The following ATP9A variants were observed in gnomAD, a reference collection of about 807,000 sequenced individuals.
The protein encoded by ATP9A is probable phospholipid-transporting ATPase IIA.
In ATP9A, 52 loss-of-function variants were observed where a neutral mutation model predicts 144.1. The ratio of observed to expected loss-of-function variants is 0.36; its 90% CI spans 0.29 to 0.45. ATP9A has a LOEUF of 0.45. Among genes scored for constraint, ATP9A ranks in the 20% least tolerant of loss-of-function variants. The pLI is 1.00. For missense variants in ATP9A, 947 were observed against 1,392.7 expected (o/e 0.68, Z 5.09); for synonymous variants, 582 against 557.4 (o/e 1.04, Z -0.62).
rs1287380758 is a variant in ATP9A, at chr20:51,676,305, GTTC to G, written c.800-100_800-98del. On this transcript the variant is annotated intron_variant, in intron 9 of 27. Coordinates refer to ENST00000338821, the MANE Select transcript of ATP9A (RefSeq NM_006045.3). ...GAGTCTGATCCTCTTGAGAGACTGG[GTTC>G]TTTTTTTTTTTTGAGACAGAGTCTT... 3.1e-6 allele frequency: 3 copies of G among 970,458 alleles called. No homozygotes were observed. In the African/African-American group the frequency reaches 5.1e-5, roughly 16 times the overall value. The allele number at this position is 970,458 out of a possible 1,614,324, so 60.1% of individuals were successfully genotyped here.
chr20:51,642,951 C>T (rs202061935), intron 14 of ATP9A, among the ~76,000 whole-genome samples: 2 of 151,986 alleles, frequency 1.3e-5, no homozygotes, highest in African/African-American at 4.8e-5. Context: ...TTCCAGTCCC[C>T]GCTCTGTCCC....
At chr20:51,605,042 A>G (rs1160016381) in intron 26 of ATP9A, 22 bp from the exon 27 acceptor site, 3 of 1,574,342 alleles carry the variant, frequency 1.9e-6, no homozygotes, top group Non-Finnish European at 1.7e-6. Context: ...AGAGAAGGGT[A>G]TTCCCCTCAC....
chr20:51,672,793 G>T (rs929814608), intron 11 of ATP9A, among the ~76,000 whole-genome samples: 1 of 152,156 alleles, frequency 6.6e-6, no homozygotes, highest in Non-Finnish European at 1.5e-5. Flanking sequence ...ATGGGGGAAA[G>T]TAGACTGCTA....
At chr20:51,699,499 A>C (rs941403936) in intron 4 of ATP9A, among the ~76,000 whole-genome samples, 1 of 152,068 alleles carries the variant, frequency 6.6e-6, no homozygotes, top group African/African-American at 2.4e-5. Flanking sequence ...GAGCATTCCA[A>C]TGTTTTCCTA....
chr20:51,699,531 G>A (rs2077584812), intron 4 of ATP9A, among the ~76,000 whole-genome samples: 1 of 151,866 alleles, frequency 6.6e-6, no homozygotes, highest in African/African-American at 2.4e-5. Flanking sequence ...CTCTTTAATC[G>A]GTTCCATAAG....
chr20:51,654,695 C>T (rs77060134), intron 14 of ATP9A, among the ~76,000 whole-genome samples: 4,285 of 152,094 alleles, frequency 0.028, 191 homozygotes, highest in African/African-American at 0.097. Context: ...TATCAAGAGC[C>T]GCTGCACTAC....
chr20:51,664,270 A>G (rs1440379174), intron 13 of ATP9A, among the ~76,000 whole-genome samples: 1 of 152,160 alleles, frequency 6.6e-6, no homozygotes, highest in Non-Finnish European at 1.5e-5. Flanking sequence ...ACAAGAAAAA[A>G]AATTCTAAAA....
rs1568797038 is a variant in ATP9A, at chr20:51,638,076, TATATA to T, written c.1668+1262_1668+1266del. Among the ~76,000 whole-genome samples the T allele has an allele frequency of 9.8e-3, 135 of 13,728 alleles. 1 individual carries two copies. Among genetic ancestry groups the T allele is most frequent in the African/African-American group, 0.028 (100 of 3,628 alleles). The allele number at this position is 13,728 out of a possible 152,430, so 9.0% of individuals were successfully genotyped here. ...CTAAGTAGCATTTCATCATTTTATA[TATATA>T]TATATATATATATATATATATATAT... On this transcript the variant is annotated intron_variant, in intron 15 of 27. Transcript: ENST00000338821.
At chr20:51,671,727 G>A (rs539969443) in intron 11 of ATP9A, among the ~76,000 whole-genome samples, 1 of 151,292 alleles carries the variant, frequency 6.6e-6, no homozygotes, top group African/African-American at 2.4e-5. Flanking sequence ...CAACAATAAC[G>A]CCCCATCCCC....
chr20:51,663,130 A>G (rs1327711916), intron 13 of ATP9A, among the ~76,000 whole-genome samples: 5 of 152,198 alleles, frequency 3.3e-5, no homozygotes, highest in Non-Finnish European at 7.3e-5. Context: ...AATGCCGTAC[A>G]GCCCAGGCAT....
At chr20:51,715,786 G>T (rs1399048784) in intron 3 of ATP9A, among the ~76,000 whole-genome samples, 1 of 152,154 alleles carries the variant, frequency 6.6e-6, no homozygotes, top group African/African-American at 2.4e-5. Flanking sequence ...ATCCAATTTA[G>T]GAGGTCCTTA....
chr20:51,683,459 A>G (rs2122805386), intron 9 of ATP9A, among the ~76,000 whole-genome samples: 1 of 151,762 alleles, frequency 6.6e-6, no homozygotes, highest in East Asian at 1.9e-4. Context: ...ATTATTTTAT[A>G]TTTTTAGTAG....
chr20:51,638,022 G>A (rs1232692962), intron 15 of ATP9A, among the ~76,000 whole-genome samples: 3 of 136,320 alleles, frequency 2.2e-5, no homozygotes, highest in East Asian at 2.1e-4. Context: ...AGTTTGCAGC[G>A]AATGCCATTA....
intron 4 of ATP9A, among the ~76,000 whole-genome samples, chr20:51,703,547 T>G (rs971120745): frequency 6.6e-6 from 1 of 152,190 alleles, no homozygotes; most frequent in African/African-American, 2.4e-5. Context: ...AAATTTCCAA[T>G]TATTAGAGCT....
intron 4 of ATP9A, among the ~76,000 whole-genome samples, chr20:51,701,562 G>A (rs6123070): frequency 0.22 from 33,352 of 152,034 alleles, 4,317 homozygotes; most frequent in East Asian, 0.45. Context: ...TGTGTTTGCA[G>A]AGCAGTTTCT....
intron 15 of ATP9A, 38 bp from the exon 16 acceptor site, chr20:51,629,110 G>T: frequency 6.5e-7 from 1 of 1,531,620 alleles, no homozygotes; most frequent in South Asian, 1.1e-5. Context: ...AAACTGAAAG[G>T]AACACCCTCT....
chr20:51,698,176 C>A (rs972997454), intron 4 of ATP9A, among the ~76,000 whole-genome samples: 2 of 152,196 alleles, frequency 1.3e-5, no homozygotes, highest in African/African-American at 4.8e-5. Context: ...GGGATTCACA[C>A]CTGCATCTGA....
intron 2 of ATP9A, 73 bp downstream of exon 2, chr20:51,729,761 G>T: frequency 7.1e-7 from 1 of 1,411,096 alleles, no homozygotes; most frequent in South Asian, 1.6e-5. Flanking sequence ...AACATGACAT[G>T]ACATAACATC....
At chr20:51,619,089 T>A (rs1181215058) in intron 19 of ATP9A, 46 bp from the exon 20 acceptor site, 1 of 1,546,894 alleles carries the variant, frequency 6.5e-7, no homozygotes, top group Non-Finnish European at 8.9e-7. Context: ...TCTCCGGACA[T>A]GATAGAACAA....
Sources: gnomAD v4.1 joint callset for allele counts (sites outside exome capture counted in the v4.1 genomes callset) on GRCh38, gnomAD v4.1.1 for gene constraint, MANE v1.5 for transcripts, NCBI Gene and HGNC (gene_info 2026-07-23, HGNC 2026-07-21) for gene names.